The following LRIG1 variants were observed in gnomAD, a reference collection of about 807,000 sequenced individuals.
The protein encoded by LRIG1 is leucine-rich repeats and immunoglobulin-like domains protein 1.
LRIG1 carries 48 observed loss-of-function variants against 99.2 expected under a neutral mutation model. The ratio of observed to expected loss-of-function variants is 0.48; its 90% CI spans 0.38 to 0.62. The LOEUF (loss-of-function observed/expected upper bound fraction) is 0.62, where lower values mean the gene tolerates loss of function less well. LRIG1 is among the 20% of genes least tolerant of loss of function. LRIG1 has a pLI of 0.00. For missense variants in LRIG1, 1,646 were observed against 1,434.4 expected, an observed-to-expected ratio of 1.15 and a Z score of -2.38; for synonymous variants, 772 against 596.1, an observed-to-expected ratio of 1.29 and a Z score of -4.30.
chr3:66,482,937 A>G lies in LRIG1; in HGVS notation c.218+17253T>C, dbSNP rs545683082. Among the ~76,000 whole-genome samples, 3 of 152,338 alleles carry G rather than the reference A, an allele frequency of 2.0e-5. No individual in the cohort carries two copies. In the East Asian group the frequency reaches 5.8e-4, roughly 29 times the overall value. On this transcript the variant is annotated intron_variant, in intron 1 of 18. Coordinates refer to ENST00000273261, the MANE Select transcript of LRIG1 (RefSeq NM_015541.3). The stretch of plus-strand genomic sequence containing the variant: ...TGATAATATTTATCACCGAACAATG[A>G]AATCAGTTGTTTTTTCTTTTGTACT...
chr3:66,427,567 C>G (rs1703025267), intron 3 of LRIG1, among the ~76,000 whole-genome samples: 1 of 152,248 alleles, frequency 6.6e-6, no homozygotes, highest in South Asian at 2.1e-4. Context: ...TGGGAGCCAA[C>G]AGTAGAAGGA....
chr3:66,383,811 T>C (rs1382581417), intron 14 of LRIG1, among the ~76,000 whole-genome samples, 180 bp downstream of exon 14: 1 of 152,208 alleles, frequency 6.6e-6, no homozygotes, highest in African/African-American at 2.4e-5. Context: ...ATCATTTCTT[T>C]TAAAGAGATA....
Position 66,410,253 on chromosome 3 carries a change from G to C in LRIG1, c.811C>G (p.Leu271Val). 1 of 1,611,158 alleles carries C rather than the reference G, an allele frequency of 6.2e-7. No individual in the cohort carries two copies. Among genetic ancestry groups the C allele is most frequent in the South Asian group, 1.1e-5 (1 of 90,614 alleles). ...AGCGAGCCGCTGTTCACTTCTACCA[G>C]GCTGTTGTACTCCAGGTGCCTGCAA... ...MHVLHLEYNS[L>V]VEVNSGSLYG... The change falls in exon 7 of 19, where the codon CTG (leucine) becomes GTG (valine). Residue 271 changes from leucine (L) to valine (V), a missense_variant. Coordinates refer to ENST00000273261, the MANE Select transcript of LRIG1 (RefSeq NM_015541.3).
In LRIG1 at chr3:66,405,159, G is replaced by C. The variant is rs79133716; in HGVS notation, c.1160+39C>G. The C allele has an allele frequency of 1.8e-5, 28 of 1,579,894 alleles. 2 individuals are homozygous for C. The South Asian group carries it at 2.9e-4, about 16-fold the overall frequency. On this transcript the variant is annotated intron_variant, in intron 9 of 18. Coordinates refer to ENST00000273261, the MANE Select transcript of LRIG1 (RefSeq NM_015541.3). ...AACATCTCCCACCCAAGTGTGTCCC[G>C]CGCATTTGCCGGCGGAGCTCCGTGC...
intron 12 of LRIG1, among the ~76,000 whole-genome samples, chr3:66,392,383 G>C (rs1701653625): frequency 6.6e-6 from 1 of 152,188 alleles, no homozygotes; most frequent in African/African-American, 2.4e-5. Context: ...TTTCCAAAGT[G>C]GCTGCCCCAG....
intron 1 of LRIG1, among the ~76,000 whole-genome samples, chr3:66,469,505 C>T (rs988394444): frequency 2.6e-5 from 4 of 152,128 alleles, no homozygotes; most frequent in African/African-American, 9.7e-5. Context: ...GTCTAACGCC[C>T]GTGACGTTAA....
intron 9 of LRIG1, among the ~76,000 whole-genome samples, chr3:66,399,923 C>T (rs957540239): frequency 6.6e-6 from 1 of 152,224 alleles, no homozygotes; most frequent in Non-Finnish European, 1.5e-5. Context: ...TCCTGGCAGC[C>T]AGCACACAGC....
At chr3:66,426,225 C>T (rs1702977987) in intron 3 of LRIG1, among the ~76,000 whole-genome samples, 2 of 152,196 alleles carry the variant, frequency 1.3e-5, no homozygotes, top group African/African-American at 4.8e-5. Flanking sequence ...CTTTGTGGGT[C>T]ATACTGTCTC....
Position 66,394,106 on chromosome 3 carries a change from A to T in LRIG1, c.1402T>A (p.Cys468Ser), listed in dbSNP as rs1267253998. Residue 468 changes from cysteine (C) to serine (S), a missense_variant, in exon 12 of 19, where the codon TGT (cysteine) becomes AGT (serine). By Grantham distance (112) the Cys-to-Ser change is moderately radical. Transcript: ENST00000273261. ...RMLQAFVTAT[C>S]AHPESLKGQS... ...CCCTTCAGTGATTCTGGGTGGGCACAGGTGGCTGTCACAAAGGCCTGCAGC... is the reference window on the plus strand; with the variant it reads ...CCCTTCAGTGATTCTGGGTGGGCACTGGTGGCTGTCACAAAGGCCTGCAGC... 1 of 1,613,998 alleles carries T rather than the reference A, an allele frequency of 6.2e-7. No homozygotes were observed. Among genetic ancestry groups the T allele is most frequent in the South Asian group, 1.1e-5 (1 of 90,992 alleles).
At chr3:66,455,470 T>C (rs1325455337) in intron 2 of LRIG1, among the ~76,000 whole-genome samples, 1 of 152,254 alleles carries the variant, frequency 6.6e-6, no homozygotes, top group Non-Finnish European at 1.5e-5. Context: ...TGTACCGCCA[T>C]TTCTCTTTAG....
intron 12 of LRIG1, 138 bp downstream of exon 12, chr3:66,393,902 T>G (rs1048957291): frequency 1.3e-5 from 11 of 873,874 alleles, no homozygotes; most frequent in Admixed American, 1.0e-4. Flanking sequence ...CAGCAAGAAA[T>G]AAATTGCATC....
At chr3:66,459,327 T>C (rs564571841) in intron 2 of LRIG1, among the ~76,000 whole-genome samples, 4 of 152,270 alleles carry the variant, frequency 2.6e-5, no homozygotes, top group African/African-American at 4.8e-5. Context: ...AGAACACCAC[T>C]GAAAATGCTC....
chr3:66,459,968 T>C (rs767120975), intron 2 of LRIG1, among the ~76,000 whole-genome samples: 8 of 152,136 alleles, frequency 5.3e-5, no homozygotes, highest in Non-Finnish European at 1.2e-4. Context: ...AAGCTTTTTA[T>C]ATTTTACTCA....
intron 5 of LRIG1, among the ~76,000 whole-genome samples, chr3:66,414,196 G>C (rs1013839773): frequency 2.6e-5 from 4 of 152,100 alleles, no homozygotes; most frequent in African/African-American, 9.7e-5. Flanking sequence ...AGGAGATCGA[G>C]ACCATCCTGG....
chr3:66,472,372 C>A (rs1455009634), intron 1 of LRIG1, among the ~76,000 whole-genome samples: 1 of 128,694 alleles, frequency 7.8e-6, no homozygotes, highest in Non-Finnish European at 1.6e-5. Context: ...TGCAAACTAA[C>A]AAGGAAAGCT....
In LRIG1 at chr3:66,415,015, A is replaced by G. The variant is rs767143503; in HGVS notation, c.552T>C (p.Asp184=). 3 of 1,612,046 alleles carry G rather than the reference A, an allele frequency of 1.9e-6. No homozygotes were observed. The highest frequency in any genetic ancestry group is 2.5e-6 in the Non-Finnish European group (3 of 1,179,104). The change falls in exon 5 of 19, where the codon GAT becomes GAC. Residue 184 remains aspartate, a synonymous_variant. Transcript: ENST00000273261. The part of the protein sequence containing the change: ...RIGTLELGAF[D]GLSRSLLTLR... ...GAGTTAGCAGCGACCGTGACAGACC[A>G]TCAAATGCTCCCAACTCCAGGGTGC... is the stretch of plus-strand genomic sequence containing the variant.
rs758016852 is a variant in LRIG1, at chr3:66,394,210, G to C, written c.1305-7C>G. The stretch of plus-strand genomic sequence containing the variant: ...GCTGTCGCTGCTGATATGGCTGAAA[G>C]AAACACAACAGTGGATGCTTCAGGT... On this transcript the variant is annotated splice_polypyrimidine_tract_variant and splice_region_variant and intron_variant, in intron 11 of 18. Coordinates refer to ENST00000273261, the MANE Select transcript of LRIG1 (RefSeq NM_015541.3). 3.8e-6 allele frequency: 6 copies of C among 1,577,088 alleles called. No individual in the cohort carries two copies. The highest frequency in any genetic ancestry group is 5.2e-6 in the Non-Finnish European group (6 of 1,163,386).
intron 3 of LRIG1, among the ~76,000 whole-genome samples, chr3:66,436,176 CCT>C (rs1165709588): frequency 6.6e-6 from 1 of 152,200 alleles, no homozygotes; most frequent in Non-Finnish European, 1.5e-5. Context: ...GTCATCCAGC[CCT>C]GTGTCTTCTT....
Position 66,381,614 on chromosome 3 carries a change from C to T in LRIG1, c.2635G>A (p.Ala879Thr), listed in dbSNP as rs1306718606. 9 of 1,613,944 alleles carry T rather than the reference C, an allele frequency of 5.6e-6. No individual in the cohort carries two copies. Among genetic ancestry groups the T allele is most frequent in the Middle Eastern group, 3.3e-4 (2 of 6,062 alleles). ...IESNGVCPRD[A>T]SHFPEPDTHS... ...GTGTCGGGCTCTGGAAAGTGGCTTG[C>T]ATCTCTTGGACACACACCTGCAAGT... Residue 879 changes from alanine to threonine, a missense_variant, in exon 17 of 19, where the codon GCA becomes ACA. Physicochemically the swap from Ala to Thr is moderately conservative, Grantham distance 58 (BLOSUM62 0). Coordinates refer to ENST00000273261, the MANE Select transcript of LRIG1 (RefSeq NM_015541.3).
Sources: allele counts gnomAD v4.1 joint callset (sites outside exome capture counted in the v4.1 genomes callset), GRCh38; gene constraint gnomAD v4.1.1; transcripts MANE v1.5; gene names NCBI Gene and HGNC (gene_info 2026-07-23, HGNC 2026-07-21).